TLR2: variants seen among roughly 807,000 people sequenced by gnomAD.
TLR2 encodes the protein toll-like receptor 2.
A neutral mutation model predicts 9.1 loss-of-function variants in TLR2; 7 were observed. The ratio of observed to expected loss-of-function variants is 0.77; its 90% CI spans 0.44 to 1.44. The LOEUF (loss-of-function observed/expected upper bound fraction) is 1.44. TLR2 is among the 40% of genes most tolerant of loss of function. The pLI is 0.01. For missense variants in TLR2, 812 were observed against 904.6 expected, an observed-to-expected ratio of 0.90 and a Z score of 1.31; for synonymous variants, 317 against 344.6, an observed-to-expected ratio of 0.92 and a Z score of 0.89.
intron 2 of TLR2, among the ~76,000 whole-genome samples, chr4:153,692,234 T>G (rs1412863615): frequency 1.3e-5 from 2 of 152,216 alleles, no homozygotes; most frequent in African/African-American, 4.8e-5. Flanking sequence ...TTTGGAATCA[T>G]AGCAGAAGAA....
intron 1 of TLR2, among the ~76,000 whole-genome samples, chr4:153,684,765 C>A (rs1735564961): frequency 6.6e-6 from 1 of 151,090 alleles, no homozygotes; most frequent in South Asian, 2.1e-4. Context: ...CGGAGAGCTT[C>A]CGCTGGGGCT....
chr4:153,698,845 C>T (rs993252234), intron 2 of TLR2, among the ~76,000 whole-genome samples: 4 of 152,128 alleles, frequency 2.6e-5, no homozygotes, highest in African/African-American at 9.7e-5. Flanking sequence ...CACCCTATAG[C>T]AGATTTCACT....
intron 2 of TLR2, among the ~76,000 whole-genome samples, chr4:153,700,122 T>A (rs1225182011): frequency 6.6e-6 from 1 of 152,034 alleles, no homozygotes; most frequent in Non-Finnish European, 1.5e-5. Context: ...CCCAGACTCT[T>A]TTTAAATAAC....
In TLR2 at chr4:153,705,277, G is replaced by A. The variant is rs1254516873; in HGVS notation, c.*15G>A. Reference sequence around the variant, plus strand: ...TAAAGTCCTAGGTTCCCATATTTAAGACCAGTCTTTGTCTAGTTGGGATCT... The same window carrying A: ...TAAAGTCCTAGGTTCCCATATTTAAAACCAGTCTTTGTCTAGTTGGGATCT... On this transcript the variant is annotated 3_prime_UTR_variant, in exon 3 of 3. Transcript: ENST00000642700. The A allele has an allele frequency of 6.5e-7, 1 of 1,540,028 alleles. No homozygotes were observed. The highest frequency in any genetic ancestry group is 1.4e-5 in the African/African-American group (1 of 72,110).
At chr4:153,710,099 A>C, downstream of TLR2, 1 of 260,208 alleles carries the variant, frequency 3.8e-6, no homozygotes, top group South Asian at 9.4e-5. Context: ...TCAAACTGGA[A>C]GTAGAATGTC....
Position 153,705,332 on chromosome 4 carries a change from C to G in TLR2, c.*70C>G. On this transcript the variant is annotated 3_prime_UTR_variant, in exon 3 of 3. Coordinates refer to ENST00000642700, the MANE Select transcript of TLR2 (RefSeq NM_001318789.2). The stretch of plus-strand genomic sequence containing the variant: ...GTCACTAGTTATAGTTAAGTTCATT[C>G]AGACATAATTATATAAAAACTACGT... The G allele has an allele frequency of 7.0e-7, 1 of 1,437,948 alleles. No homozygotes were observed. The highest frequency in any genetic ancestry group is 9.3e-7 in the Non-Finnish European group (1 of 1,078,184). The allele number at this position is 1,437,948 out of a possible 1,614,324, so 89.1% of individuals were successfully genotyped here.
chr4:153,690,693 A>G (rs776955657), intron 2 of TLR2, among the ~76,000 whole-genome samples: 1 of 152,282 alleles, frequency 6.6e-6, no homozygotes, highest in Non-Finnish European at 1.5e-5. Context: ...CAAGTTGGGC[A>G]TCACTGGATA....
chr4:153,709,406 CA>C (rs1737432350), downstream of TLR2, among the ~76,000 whole-genome samples: 1 of 152,172 alleles, frequency 6.6e-6, no homozygotes, highest in Admixed American at 6.5e-5. Flanking sequence ...TAATTCAAAA[CA>C]AATTAATTTT....
chr4:153,704,998 C>A lies in TLR2; in HGVS notation c.2091C>A (p.His697Gln), dbSNP rs752887829. 5.0e-6 allele frequency: 8 copies of A among 1,613,358 alleles called. No individual in the cohort carries two copies. The African/African-American group carries it at 9.3e-5, about 19-fold the overall frequency. ...DNIIDSIEKS[H>Q]KTVFVLSENF... ...TCATTGACTCCATTGAAAAGAGCCA[C>A]AAAACTGTCTTTGTGCTTTCTGAAA... The change falls in exon 3 of 3, where the codon CAC becomes CAA. Residue 697 changes from histidine to glutamine, a missense_variant. Transcript: ENST00000642700.
At position 153,702,828 on chromosome 4, in the gene TLR2, C is replaced by T. The variant is rs564791817; in HGVS notation, c.-16-64C>T. The T allele has an allele frequency of 3.8e-5, 49 of 1,300,522 alleles. No homozygotes were observed. The South Asian group carries it at 4.7e-4, about 13-fold the overall frequency. 80.6% of individuals were successfully genotyped at this position (1,300,522 alleles called of 1,614,324 possible). A position where few individuals can be genotyped will look rare whatever the true frequency, so the allele number is the denominator to read the frequency against. On this transcript the variant is annotated intron_variant, in intron 2 of 2. Coordinates refer to ENST00000642700, the MANE Select transcript of TLR2 (RefSeq NM_001318789.2). ...TGTGTTATGCCTAGAAAACATTTCT[C>T]AAGAATTAGAATTACGATATGCTGT...
intron 2 of TLR2, among the ~76,000 whole-genome samples, chr4:153,699,044 TG>T (rs1486109512): frequency 6.6e-6 from 1 of 152,184 alleles, no homozygotes; most frequent in East Asian, 1.9e-4. Flanking sequence ...TTAGACAGTT[TG>T]TAGACGAATT....
At chr4:153,689,806 T>C (rs903875970) in intron 2 of TLR2, among the ~76,000 whole-genome samples, 10 of 152,216 alleles carry the variant, frequency 6.6e-5, no homozygotes, top group African/African-American at 1.7e-4. Flanking sequence ...AAATTACTCA[T>C]TGTGACTGGT....
chr4:153,685,091 G>A (rs1735607339), intron 1 of TLR2, among the ~76,000 whole-genome samples: 1 of 152,242 alleles, frequency 6.6e-6, no homozygotes, highest in Non-Finnish European at 1.5e-5. Context: ...CCTAACCCAA[G>A]TCTGACCTCT....
chr4:153,710,358 G>C, downstream of TLR2: 1 of 1,545,456 alleles, frequency 6.5e-7, no homozygotes, highest in Non-Finnish European at 8.8e-7. Context: ...TTGCTTCTGG[G>C]GTCTGCTGTC....
intron 1 of TLR2, among the ~76,000 whole-genome samples, chr4:153,685,315 TGAAAGAGAGA>T (rs937562933): frequency 5.3e-5 from 8 of 152,054 alleles, no homozygotes; most frequent in South Asian, 2.1e-4. Flanking sequence ...TTTTCCTGTT[TGAAAGAGAGA>T]GAAAGAGAGA....
At chr4:153,695,461 T>TATA in intron 2 of TLR2, among the ~76,000 whole-genome samples, 1 of 152,246 alleles carries the variant, frequency 6.6e-6, no homozygotes, top group Non-Finnish European at 1.5e-5. Context: ...CTGTTTGCCA[T>TATA]TCATGTGCCT....
At chr4:153,686,192 G>A (rs1735690824) in intron 1 of TLR2, among the ~76,000 whole-genome samples, 1 of 152,142 alleles carries the variant, frequency 6.6e-6, no homozygotes, top group African/African-American at 2.4e-5. Flanking sequence ...TCATGCCACT[G>A]CACTCCAGCC....
At chr4:153,686,545 G>A (rs1449561591) in intron 1 of TLR2, among the ~76,000 whole-genome samples, 6 of 152,178 alleles carry the variant, frequency 3.9e-5, no homozygotes, top group South Asian at 2.1e-4. Flanking sequence ...TTTATCAAAA[G>A]AAAGCTGTTG....
At chr4:153,708,442 TATA>T (rs760163292), downstream of TLR2, among the ~76,000 whole-genome samples, 32 of 152,238 alleles carry the variant, frequency 2.1e-4, no homozygotes, top group Non-Finnish European at 4.1e-4. Context: ...ATGCCTACTA[TATA>T]GTAAGTATTG....
Sources: allele counts gnomAD v4.1 joint callset (sites outside exome capture counted in the v4.1 genomes callset), GRCh38; gene constraint gnomAD v4.1.1; transcripts MANE v1.5; gene names NCBI Gene and HGNC (gene_info 2026-07-23, HGNC 2026-07-21).